The following MOK variants were observed in gnomAD, a reference collection of about 807,000 sequenced individuals.
MOK encodes the protein MOK protein kinase.
Under a neutral mutation model 54.2 loss-of-function variants are expected in MOK, and 59 were observed. The observed-to-expected ratio is 1.09, with a 90% CI of 0.88 to 1.35. The LOEUF (loss-of-function observed/expected upper bound fraction) is 1.35. MOK is among the 40% of genes most tolerant of loss of function. The probability of loss-of-function intolerance (pLI) is 0.00; values close to 1 mark genes in which losing one functional copy is unlikely to be tolerated. For synonymous variants in MOK, 210 were observed against 202.7 expected (o/e 1.04, Z -0.31); for missense variants, 517 against 526.2 (o/e 0.98, Z 0.17).
At chr14:102,284,708 A>G (rs1033793554) in intron 1 of MOK, among the ~76,000 whole-genome samples, 3 of 152,188 alleles carry the variant, frequency 2.0e-5, no homozygotes, top group African/African-American at 7.2e-5. Context: ...ATCTCTGGGC[A>G]TTTGTTTCAG....
At position 102,253,471 on chromosome 14, in the gene MOK, T is replaced by G. The variant is rs186579622; in HGVS notation, c.284-1476A>C. Among the ~76,000 whole-genome samples, 14 of 152,358 alleles carry G rather than the reference T, an allele frequency of 9.2e-5. No homozygotes were observed. In the East Asian group the frequency reaches 2.7e-3, roughly 29 times the overall value. ...GTCACTCGTCAACCCAGTGTTCCAC[T>G]AGGCTTTCCTGTTTATGTGGAGATG... On this transcript the variant is annotated intron_variant, in intron 4 of 11. Transcript: ENST00000361847.
chr14:102,232,892 T>A lies in MOK; in HGVS notation c.693-184A>T. On this transcript the variant is annotated intron_variant, in intron 8 of 11. Coordinates refer to ENST00000361847, the MANE Select transcript of MOK (RefSeq NM_014226.3). The surrounding 1 kb of genome is among the most constrained non-coding windows in gnomAD (Gnocchi z 5.1). ...CCTGATGTAAATGATGGGCTCTGTGTAGTAATGAGATATCCACGGTTCATC... is the reference window on the plus strand; with the variant it reads ...CCTGATGTAAATGATGGGCTCTGTGAAGTAATGAGATATCCACGGTTCATC... The A allele has an allele frequency of 1.9e-6, 1 of 515,658 alleles. No individual in the cohort carries two copies. Among genetic ancestry groups the A allele is most frequent in the Admixed American group, 3.4e-5 (1 of 29,724 alleles). The allele number at this position is 515,658 out of a possible 1,614,324, so 31.9% of individuals were successfully genotyped here. A position where few individuals can be genotyped will look rare whatever the true frequency, so the allele number is the denominator to read the frequency against.
Position 102,234,179 on chromosome 14 carries a change from C to T in MOK, c.591-390G>A, listed in dbSNP as rs76083766. 5.2e-3 allele frequency: 973 copies of T among 186,856 alleles called. 5 individuals are homozygous for T. Among genetic ancestry groups the T allele is most frequent in the Middle Eastern group, 0.012 (5 of 420 alleles). The allele number at this position is 186,856 out of a possible 1,614,324, so 11.6% of individuals were successfully genotyped here. A position where few individuals can be genotyped will look rare whatever the true frequency, so the allele number is the denominator to read the frequency against. Reference sequence around the variant, plus strand: ...CTCGGATGACCTAACATTCTGGTGCCGAAACCCGGGAAGGGGGATAGACTC... The same window carrying T: ...CTCGGATGACCTAACATTCTGGTGCTGAAACCCGGGAAGGGGGATAGACTC... On this transcript the variant is annotated intron_variant, in intron 7 of 11. Coordinates refer to ENST00000361847, the MANE Select transcript of MOK (RefSeq NM_014226.3).
At chr14:102,301,278 C>T (rs2072162484) in intron 1 of MOK, among the ~76,000 whole-genome samples, 1 of 152,140 alleles carries the variant, frequency 6.6e-6, no homozygotes, top group Non-Finnish European at 1.5e-5. Context: ...ATAACCGGAA[C>T]AATGAAGAAA....
chr14:102,278,627 C>T (rs1246007894), intron 2 of MOK: 5 of 453,978 alleles, frequency 1.1e-5, no homozygotes, highest in East Asian at 6.9e-5. Context: ...GTCAGCTCCA[C>T]GACGTGTAGG....
Position 102,236,153 on chromosome 14 carries a change from C to A in MOK, c.591-2364G>T, listed in dbSNP as rs998485693. 8.5e-5 allele frequency among the ~76,000 whole-genome samples: 13 copies of A among 152,260 alleles called. No homozygotes were observed. The South Asian group carries it at 2.3e-3, about 27-fold the overall frequency. On this transcript the variant is annotated intron_variant, in intron 7 of 11. Coordinates refer to ENST00000361847, the MANE Select transcript of MOK (RefSeq NM_014226.3). The surrounding 1 kb of genome is among the most constrained non-coding windows in gnomAD (Gnocchi z 4.5). ...CAAGCCTGCTCCTCAGAGCCACCAC[C>A]CCTTTAACAAGACAAAAAGTGAAGA...
chr14:102,230,037 TTTTG>T lies in MOK; in HGVS notation c.982-384_982-381del, dbSNP rs747502223. On this transcript the variant is annotated intron_variant, in intron 10 of 11. Coordinates refer to ENST00000361847, the MANE Select transcript of MOK (RefSeq NM_014226.3). The surrounding 1 kb of genome is among the most constrained non-coding windows in gnomAD (Gnocchi z 4.1). Reference sequence around the variant, plus strand: ...TAAGGATGGTTTTACATTTGGGGTTTTTTGTTTGTTTGTTTGTTTTGAGACACGG... The same window carrying T: ...TAAGGATGGTTTTACATTTGGGGTTTTTTGTTTGTTTGTTTTGAGACACGG... 422 of 216,220 alleles carry T rather than the reference TTTTG, an allele frequency of 2.0e-3. 1 individual carries two copies. Among genetic ancestry groups the T allele is most frequent in the African/African-American group, 7.1e-3 (310 of 43,386 alleles). The allele number at this position is 216,220 out of a possible 1,614,324, so 13.4% of individuals were successfully genotyped here.
the MOK span, among the ~76,000 whole-genome samples, chr14:102,218,889 G>A: frequency 6.6e-6 from 1 of 152,242 alleles, no homozygotes; most frequent in African/African-American, 2.4e-5. Flanking sequence ...GCACGCTGCT[G>A]AGCACAGGTG....
At chr14:102,299,978 G>GACC (rs2071974612) in intron 1 of MOK, among the ~76,000 whole-genome samples, 1 of 152,072 alleles carries the variant, frequency 6.6e-6, no homozygotes, top group South Asian at 2.1e-4. Context: ...AGGAGTTCAA[G>GACC]ACCGGCCTGG....
In MOK at chr14:102,232,878, T is replaced by C. The variant is rs1373901012; in HGVS notation, c.693-170A>G. 3.6e-6 allele frequency: 2 copies of C among 560,828 alleles called. No homozygotes were observed. The highest frequency in any genetic ancestry group is 3.1e-6 in the Non-Finnish European group (1 of 319,172). 34.7% of individuals were successfully genotyped at this position (560,828 alleles called of 1,614,324 possible). A position where few individuals can be genotyped will look rare whatever the true frequency, so the allele number is the denominator to read the frequency against. ...CACCAAGAGGGACCCCTGATGTAAA[T>C]GATGGGCTCTGTGTAGTAATGAGAT... On this transcript the variant is annotated intron_variant, in intron 8 of 11. Coordinates refer to ENST00000361847, the MANE Select transcript of MOK (RefSeq NM_014226.3). The surrounding 1 kb of genome is among the most constrained non-coding windows in gnomAD (Gnocchi z 5.1).
intron 1 of MOK, among the ~76,000 whole-genome samples, chr14:102,290,685 T>C (rs2070679690): frequency 6.6e-6 from 1 of 152,106 alleles, no homozygotes. Context: ...GGATGCTGAA[T>C]CTCCAGACTA....
chr14:102,303,780 G>C (rs1424400564), intron 1 of MOK, among the ~76,000 whole-genome samples: 2 of 152,220 alleles, frequency 1.3e-5, no homozygotes, highest in Non-Finnish European at 2.9e-5. Context: ...ATAAATGGGA[G>C]AGAGAAAACA....
At chr14:102,274,255 AT>A (rs11299524) in intron 2 of MOK, among the ~76,000 whole-genome samples, 31,068 of 119,594 alleles carry the variant, frequency 0.26, 3,536 homozygotes, top group African/African-American at 0.39. Flanking sequence ...CCGTACCTGC[AT>A]TTTTTTTTTT....
intron 2 of MOK, among the ~76,000 whole-genome samples, chr14:102,282,349 T>C (rs926313568): frequency 3.3e-5 from 5 of 152,026 alleles, no homozygotes; most frequent in Non-Finnish European, 7.4e-5. Context: ...TCACTTATGT[T>C]ATATTAATAT....
At chr14:102,275,355 G>C (rs1306433806) in intron 2 of MOK, among the ~76,000 whole-genome samples, 1 of 152,174 alleles carries the variant, frequency 6.6e-6, no homozygotes, top group African/African-American at 2.4e-5. Context: ...GTGAGGTCAG[G>C]AGATCGAGAC....
chr14:102,218,882 C>T, the MOK span, among the ~76,000 whole-genome samples: 1 of 152,242 alleles, frequency 6.6e-6, no homozygotes, highest in Admixed American at 6.5e-5. Flanking sequence ...AGCTCCCGCA[C>T]GCTGCTGAGC....
intron 1 of MOK, among the ~76,000 whole-genome samples, chr14:102,296,039 A>G (rs564078806): frequency 6.6e-6 from 1 of 152,260 alleles, no homozygotes; most frequent in African/African-American, 2.4e-5. Context: ...TGAGGTCAGG[A>G]GTTCAAGACC....
At chr14:102,250,752 GA>G in intron 7 of MOK, 59 bp downstream of exon 7, 1 of 1,517,968 alleles carries the variant, frequency 6.6e-7, no homozygotes, top group Non-Finnish European at 9.0e-7. Context: ...GAAGGAGCAC[GA>G]GCCTGGCTGC....
At chr14:102,293,506 A>G (rs997893490) in intron 1 of MOK, among the ~76,000 whole-genome samples, 3 of 151,200 alleles carry the variant, frequency 2.0e-5, no homozygotes, top group Non-Finnish European at 4.4e-5. Context: ...CGAGACCAGC[A>G]TGACCAACAT....
Sources: allele counts gnomAD v4.1 joint callset (sites outside exome capture counted in the v4.1 genomes callset), GRCh38; gene constraint gnomAD v4.1.1; non-coding constraint Gnocchi (gnomAD v3.1); transcripts MANE v1.5; gene names NCBI Gene and HGNC (gene_info 2026-07-23, HGNC 2026-07-21).